Variants in MACROD2 observed in about 807,000 individuals in gnomAD.
MACROD2 encodes mono-ADP ribosylhydrolase 2.
A neutral mutation model predicts 70.4 loss-of-function variants in MACROD2; 36 were observed. The observed-to-expected ratio is 0.51, with a 90% CI of 0.39 to 0.68. MACROD2 has a LOEUF of 0.68. Ranked by LOEUF, MACROD2 falls within the 30% of genes least tolerant of loss-of-function variation. The pLI is 0.00. For synonymous variants in MACROD2, 172 were observed against 178.8 expected, an observed-to-expected ratio of 0.96 and a Z score of 0.30; for missense variants, 496 against 538.4, an observed-to-expected ratio of 0.92 and a Z score of 0.78.
chr20:16,020,769 G>C (rs190924282), intron 15 of MACROD2, among the ~76,000 whole-genome samples: 2 of 151,856 alleles, frequency 1.3e-5, no homozygotes, highest in Non-Finnish European at 2.9e-5. Flanking sequence ...AAGTGGGATG[G>C]GGGGAAGGAA....
chr20:15,348,014 C>G (rs2078185325), intron 6 of MACROD2, among the ~76,000 whole-genome samples: 1 of 152,198 alleles, frequency 6.6e-6, no homozygotes, highest in Non-Finnish European at 1.5e-5. Context: ...CCCCATTTCG[C>G]CTTCCTTCTG....
chr20:14,797,104 G>A lies in MACROD2; in HGVS notation c.418+112145G>A, dbSNP rs987859792. Among the ~76,000 whole-genome samples the A allele has an allele frequency of 3.3e-5, 5 of 152,020 alleles. No homozygotes were observed. The East Asian group carries it at 7.7e-4, about 23-fold the overall frequency. On this transcript the variant is annotated intron_variant, in intron 5 of 17. Transcript: ENST00000684519. ...CATAAGCAATTCATTATCACAGTCTGTCCGTGTTACTCTCGCATCTCCTTC... is the reference window on the plus strand; with the variant it reads ...CATAAGCAATTCATTATCACAGTCTATCCGTGTTACTCTCGCATCTCCTTC...
At chr20:15,616,056 C>G (rs1156313157) in intron 8 of MACROD2, among the ~76,000 whole-genome samples, 15 of 150,938 alleles carry the variant, frequency 9.9e-5, no homozygotes, top group Admixed American at 9.9e-4. Context: ...GTATACACCC[C>G]TGGTGGGTGG....
At chr20:14,613,890 C>A (rs1268098228) in intron 4 of MACROD2, among the ~76,000 whole-genome samples, 1 of 151,996 alleles carries the variant, frequency 6.6e-6, no homozygotes, top group Non-Finnish European at 1.5e-5. Flanking sequence ...CTATGTAAAC[C>A]CATCGTTATT....
chr20:15,641,715 G>C (rs554605881), intron 8 of MACROD2, among the ~76,000 whole-genome samples: 1 of 152,288 alleles, frequency 6.6e-6, no homozygotes, highest in Admixed American at 6.5e-5. Flanking sequence ...ATTCCAGTGA[G>C]TAAATTATTC....
rs569468131 is a variant in MACROD2, at chr20:15,162,956, A to G, written c.419-66984A>G. Among the ~76,000 whole-genome samples, 29 of 152,262 alleles carry G rather than the reference A, an allele frequency of 1.9e-4. 2 individuals carry two copies. The South Asian group carries it at 5.8e-3, about 30-fold the overall frequency. On this transcript the variant is annotated intron_variant, in intron 5 of 17. Transcript: ENST00000684519. ...ATATGCATTAAACATTAAATTTGGC[A>G]TTAAACAAATTAGATACAACAAATA... is the stretch of plus-strand genomic sequence containing the variant.
chr20:14,832,934 C>G (rs79943952), intron 5 of MACROD2, among the ~76,000 whole-genome samples: 4,371 of 152,142 alleles, frequency 0.029, 226 homozygotes, highest in African/African-American at 0.099. Context: ...TCTGAAGAAC[C>G]ATGTAGTAAA....
At chr20:14,099,754 T>G (rs552351524) in intron 3 of MACROD2, among the ~76,000 whole-genome samples, 2 of 152,292 alleles carry the variant, frequency 1.3e-5, no homozygotes, top group East Asian at 3.9e-4. Flanking sequence ...TGTTGTGTGG[T>G]TTTCACTTTA....
At chr20:15,384,789 T>C (rs1026484442) in intron 6 of MACROD2, among the ~76,000 whole-genome samples, 1 of 152,206 alleles carries the variant, frequency 6.6e-6, no homozygotes, top group Non-Finnish European at 1.5e-5. Flanking sequence ...TAGAAAAGAT[T>C]TGCTAACAGT....
rs1177862460 is a variant in MACROD2 at position 14,405,486 on chromosome 20, AG to A, written c.272-87992del. Among the ~76,000 whole-genome samples the A allele has an allele frequency of 6.6e-5, 10 of 152,200 alleles. No individual in the cohort carries two copies. The East Asian group carries it at 1.9e-3, about 29-fold the overall frequency. On this transcript the variant is annotated intron_variant, in intron 3 of 17. Coordinates refer to ENST00000684519, the MANE Select transcript of MACROD2 (RefSeq NM_001351661.2). The stretch of plus-strand genomic sequence containing the variant: ...AGGATTTAAGAATCTACGGGAGTCC[AG>A]TAGGCTATTGGAGGACTTTGTCCTA...
intron 3 of MACROD2, among the ~76,000 whole-genome samples, chr20:14,264,004 CACACACACA>C (rs2082122261): frequency 2.1e-5 from 3 of 143,396 alleles, no homozygotes; most frequent in Non-Finnish European, 4.6e-5. Flanking sequence ...CACACACACA[CACACACACA>C]CACACACACA....
At chr20:14,862,388 T>A (rs1271102641) in intron 5 of MACROD2, among the ~76,000 whole-genome samples, 3 of 19,426 alleles carry the variant, frequency 1.5e-4, no homozygotes, top group Non-Finnish European at 2.3e-4. Context: ...TATATAAATA[T>A]ATATAAATAT....
intron 5 of MACROD2, among the ~76,000 whole-genome samples, chr20:14,863,632 A>G (rs2073396550): frequency 6.6e-6 from 1 of 152,104 alleles, no homozygotes; most frequent in East Asian, 1.9e-4. Flanking sequence ...AAAAAGACAT[A>G]TCTGGCTTAA....
chr20:14,954,557 T>G (rs1017392298), intron 5 of MACROD2, among the ~76,000 whole-genome samples: 4 of 138,542 alleles, frequency 2.9e-5, no homozygotes, highest in South Asian at 2.1e-4. Flanking sequence ...TATAAATAAA[T>G]TATAAATATA....
At chr20:14,598,436 T>C (rs572958789) in intron 4 of MACROD2, among the ~76,000 whole-genome samples, 9 of 152,158 alleles carry the variant, frequency 5.9e-5, no homozygotes, top group Admixed American at 1.3e-4. Context: ...CTAGGAATTG[T>C]AGTTCCTACA....
intron 8 of MACROD2, among the ~76,000 whole-genome samples, chr20:15,608,396 T>A (rs1410762046): frequency 6.6e-6 from 1 of 152,200 alleles, no homozygotes; most frequent in East Asian, 1.9e-4. Flanking sequence ...TGCTTTACCA[T>A]TGCCATGGAA....
Position 14,861,976 on chromosome 20 carries a change from A to AATAT in MACROD2, c.418+177030_418+177033dup, listed in dbSNP as rs369913144. On this transcript the variant is annotated intron_variant, in intron 5 of 17. Transcript: ENST00000684519. ...TAGGACATTGGAGGTTTTATATATAAATATATATATATATATTTATATATA... is the reference window on the plus strand; with the variant it reads ...TAGGACATTGGAGGTTTTATATATAAATATATATATATATATATATTTATATATA... Among the ~76,000 whole-genome samples the AATAT allele has an allele frequency of 7.8e-4, 33 of 42,280 alleles. 1 individual carries two copies. Among genetic ancestry groups the AATAT allele is most frequent in the Non-Finnish European group, 9.7e-4 (23 of 23,700 alleles). The allele number at this position is 42,280 out of a possible 152,430, so 27.7% of individuals were successfully genotyped here.
chr20:14,922,865 G>C (rs551561603), intron 5 of MACROD2, among the ~76,000 whole-genome samples: 5 of 152,220 alleles, frequency 3.3e-5, no homozygotes, highest in East Asian at 1.9e-4. Flanking sequence ...GGGGCATTTT[G>C]AGCATATGGT....
chr20:15,754,637 A>C (rs77154535), intron 8 of MACROD2, among the ~76,000 whole-genome samples: 3,618 of 151,838 alleles, frequency 0.024, 78 homozygotes, highest in East Asian at 0.11. Flanking sequence ...AAAAAAGAAA[A>C]AAAAAAAGAG....
Sources: gnomAD v4.1 joint callset for allele counts (sites outside exome capture counted in the v4.1 genomes callset) on GRCh38, gnomAD v4.1.1 for gene constraint, MANE v1.5 for transcripts, NCBI Gene and HGNC (gene_info 2026-07-23, HGNC 2026-07-21) for gene names.